NBPF12: variants seen among roughly 807,000 people sequenced by gnomAD.
The protein encoded by NBPF12 is NBPF member 12.
A neutral mutation model predicts 146.4 loss-of-function variants in NBPF12; 115 were observed. That is an observed-to-expected ratio of 0.79 (90% confidence interval 0.68 to 0.92). The LOEUF is 0.92. NBPF12 is among the 40% of genes least tolerant of loss of function. The pLI, the probability that NBPF12 is intolerant of heterozygous loss-of-function variation, is 0.00. For missense variants in NBPF12, 1,205 were observed against 1,326.8 expected (o/e 0.91, Z 1.43); for synonymous variants, 385 against 508.9 (o/e 0.76, Z 3.28).
intron 1 of NBPF12, among the ~76,000 whole-genome samples, chr1:146,942,002 C>T (rs1377771289): frequency 1.4e-5 from 2 of 147,968 alleles, no homozygotes; most frequent in Non-Finnish European, 3.0e-5. Context: ...CGACTATAGG[C>T]GTGTGCCACC....
At chr1:146,940,756 G>A (rs1429456393) in intron 1 of NBPF12, among the ~76,000 whole-genome samples, 2 of 152,014 alleles carry the variant, frequency 1.3e-5, no homozygotes, top group Non-Finnish European at 2.9e-5. Context: ...GAATATTCCA[G>A]TTACCCCACA....
At chr1:146,974,363 T>C (rs1553887045) in intron 14 of NBPF12, among the ~76,000 whole-genome samples, 5,993 of 135,942 alleles carry the variant, frequency 0.044, 882 homozygotes, top group African/African-American at 0.079. Flanking sequence ...GGAGCCTTCC[T>C]GACTGTACAA....
In NBPF12 at chr1:146,974,796, A is replaced by T. The variant is rs1163930261; in HGVS notation, c.1859A>T (p.Lys620Met). ...ATGCTGAGGAATGAGCTACAGTTCA[A>T]GGAGGAGAAGCTTGCAGAGCAGCTG... The change falls in exon 15 of 34, where the codon AAG (lysine) becomes ATG (methionine). Residue 620 changes from lysine (K) to methionine (M), a missense_variant. Physicochemically the swap from Lys to Met is moderately conservative, Grantham distance 95 (BLOSUM62 -1). Around this residue, in one of 16 missense-constraint regions of NBPF12, gnomAD observed 14 missense variants for 68.9 expected, o/e 0.20. Transcript: ENST00000617844. 37 of 1,125,492 alleles carry T rather than the reference A, an allele frequency of 3.3e-5. 5 individuals are homozygous for T. Among genetic ancestry groups the T allele is most frequent in the Non-Finnish European group, 4.4e-5 (36 of 812,652 alleles). The allele number at this position is 1,125,492 out of a possible 1,614,324, so 69.7% of individuals were successfully genotyped here.
At chr1:146,962,528 G>A (rs1176908613) in intron 5 of NBPF12, among the ~76,000 whole-genome samples, 1 of 151,752 alleles carries the variant, frequency 6.6e-6, no homozygotes, top group Non-Finnish European at 1.5e-5. Flanking sequence ...CACCAAAGGA[G>A]TGGGAACCAC....
intron 1 of NBPF12, among the ~76,000 whole-genome samples, chr1:146,950,465 C>G (rs1311831411): frequency 6.6e-5 from 10 of 151,772 alleles, no homozygotes; most frequent in African/African-American, 2.4e-4. Flanking sequence ...GTCACTAACC[C>G]AAAATAGTTT....
At chr1:146,965,791 C>A (rs1367598485) in intron 8 of NBPF12, among the ~76,000 whole-genome samples, 17 of 30,054 alleles carry the variant, frequency 5.7e-4, no homozygotes, top group East Asian at 1.6e-3. Flanking sequence ...GACTGCATCT[C>A]AAAAAAAAAA....
At chr1:146,994,742 T>C (rs2101942183) in exon 34 of NBPF12, 1 of 1,203,152 alleles carries the variant, frequency 8.3e-7, no homozygotes, top group Non-Finnish European at 1.1e-6. Flanking sequence ...CTGTGCTCAG[T>C]CTGAAGACAA....
intron 23 of NBPF12, among the ~76,000 whole-genome samples, chr1:146,986,138 C>CCT (rs1181047928): frequency 1.5e-4 from 23 of 150,700 alleles, no homozygotes; most frequent in Non-Finnish European, 3.0e-4. Context: ...CTCACTTTCT[C>CCT]CTCTCTCTCT....
intron 2 of NBPF12, among the ~76,000 whole-genome samples, chr1:146,955,019 C>A (rs1655521367): frequency 1.9e-5 from 2 of 103,608 alleles, no homozygotes; most frequent in African/African-American, 3.7e-5. Flanking sequence ...TATATACACA[C>A]ACACACACAT....
intron 2 of NBPF12, among the ~76,000 whole-genome samples, chr1:146,957,973 G>A (rs1350526622): frequency 1.9e-5 from 2 of 103,308 alleles, no homozygotes; most frequent in African/African-American, 7.1e-5. Flanking sequence ...GTGTATACAT[G>A]TATATATGTG....
chr1:146,968,919 C>T (rs1656382172), intron 10 of NBPF12, among the ~76,000 whole-genome samples: 1 of 151,240 alleles, frequency 6.6e-6, no homozygotes, highest in Admixed American at 6.6e-5. Flanking sequence ...TGCGGCTTCT[C>T]ATTCTTTCAC....
intron 27 of NBPF12, among the ~76,000 whole-genome samples, chr1:146,989,297 A>G (rs1657993187): frequency 6.9e-6 from 1 of 145,702 alleles, no homozygotes; most frequent in Non-Finnish European, 1.5e-5. Context: ...TGACTCCCTT[A>G]CCAGTATGTC....
chr1:146,938,567 G>C (rs1174814806), upstream of NBPF12, among the ~76,000 whole-genome samples: 46 of 152,090 alleles, frequency 3.0e-4, no homozygotes, highest in South Asian at 9.4e-3. Flanking sequence ...CTCCGCCCGC[G>C]GCCCGAACCC....
At chr1:146,984,885 T>A (rs1340273711) in exon 22 of NBPF12, 56 of 1,588,610 alleles carry the variant, frequency 3.5e-5, no homozygotes, top group Non-Finnish European at 4.5e-5. Context: ...GTTATTCAAC[T>A]CCTTCAGTTT....
exon 34 of NBPF12, chr1:146,994,820 A>C (rs1310724143): frequency 1.3e-6 from 1 of 763,786 alleles, no homozygotes; most frequent in Non-Finnish European, 2.0e-6. Flanking sequence ...TCAGCCGGAC[A>C]TTTTAATTTG....
intron 1 of NBPF12, among the ~76,000 whole-genome samples, chr1:146,939,728 G>A (rs1310806590): frequency 3.3e-5 from 5 of 151,784 alleles, no homozygotes; most frequent in African/African-American, 7.3e-5. Context: ...AGCTGCTTTC[G>A]AAAGAAGCAC....
At chr1:146,973,028 G>A (rs1203400330) in intron 14 of NBPF12, 68 bp downstream of exon 17, 4 of 793,956 alleles carry the variant, frequency 5.0e-6, no homozygotes, top group Non-Finnish European at 9.2e-6. Context: ...GAGAAACTAA[G>A]TGCTCTCTCC....
chr1:146,981,157 C>A, intron 19 of NBPF12, among the ~76,000 whole-genome samples: 1 of 130,872 alleles, frequency 7.6e-6, no homozygotes, highest in African/African-American at 2.9e-5. Flanking sequence ...GGAGGGGTAG[C>A]ATTAGGAGAT....
chr1:146,938,877 G>T (rs1654648161), exon 1 of NBPF12: 1 of 152,266 alleles, frequency 6.6e-6, no homozygotes, highest in Non-Finnish European at 1.5e-5. Flanking sequence ...TGGGAACGCG[G>T]GACGGGCGAC....
Sources: allele counts gnomAD v4.1 joint callset (sites outside exome capture counted in the v4.1 genomes callset), GRCh38; gene constraint gnomAD v4.1.1; regional missense constraint gnomAD v4.1.1; transcripts MANE v1.5; gene names NCBI Gene and HGNC (gene_info 2026-07-23, HGNC 2026-07-21).